FGF12: variants seen among roughly 807,000 people sequenced by gnomAD.
FGF12 encodes fibroblast growth factor 12, also known as fibroblast growth factor 12B.
FGF12 carries 14 observed loss-of-function variants against 23.6 expected under a neutral mutation model. The observed-to-expected ratio is 0.59, with a 90% CI of 0.39 to 0.93. FGF12 has a LOEUF of 0.93. Ranked by LOEUF, FGF12 falls within the 40% of genes least tolerant of loss-of-function variation. The pLI is 0.00. For synonymous variants in FGF12, 62 were observed against 77.3 expected, an observed-to-expected ratio of 0.80 and a Z score of 1.04; for missense variants, 175 against 217.8, an observed-to-expected ratio of 0.80 and a Z score of 1.24.
chr3:192,713,290 C>T (rs565285731), intron 2 of FGF12, among the ~76,000 whole-genome samples: 9 of 151,750 alleles, frequency 5.9e-5, no homozygotes, highest in Non-Finnish European at 1.0e-4. Flanking sequence ...CTTGGTGGGA[C>T]GCTGAGAAAT....
At chr3:192,462,950 C>T (rs1236410442) in intron 2 of FGF12, among the ~76,000 whole-genome samples, 2 of 151,980 alleles carry the variant, frequency 1.3e-5, no homozygotes, top group East Asian at 1.9e-4. Flanking sequence ...ATATGATGTA[C>T]GAAGAGTTTG....
intron 4 of FGF12, among the ~76,000 whole-genome samples, chr3:192,256,186 C>T (rs78597546): frequency 0.014 from 2,078 of 152,076 alleles, 49 homozygotes; most frequent in African/African-American, 0.048. Context: ...GCAAATTAGT[C>T]ATTTACTTTG....
At chr3:192,554,011 GAA>G (rs1443724987) in intron 2 of FGF12, among the ~76,000 whole-genome samples, 4 of 152,238 alleles carry the variant, frequency 2.6e-5, no homozygotes, top group African/African-American at 9.6e-5. Flanking sequence ...CCTGTGGAGG[GAA>G]AGAGTTAAAG....
chr3:192,351,068 T>C (rs764454949), intron 3 of FGF12, among the ~76,000 whole-genome samples: 1 of 152,236 alleles, frequency 6.6e-6, no homozygotes, highest in Non-Finnish European at 1.5e-5. Flanking sequence ...TCCAATTCAA[T>C]GCAAAAGCTA....
chr3:192,213,697 G>A (rs920041823), intron 4 of FGF12, among the ~76,000 whole-genome samples: 6 of 152,210 alleles, frequency 3.9e-5, no homozygotes, highest in African/African-American at 4.8e-5. Context: ...ATCCTCCAGA[G>A]AGTTGAAGAA....
In FGF12 at chr3:192,364,761, C is replaced by T. The variant is rs559125894; in HGVS notation, c.14-4223G>A. Reference sequence around the variant, plus strand: ...TGCCATTGAAATACCTACCTTGGACCGTGAACTGAATAAGAAATAAACTTC... The same window carrying T: ...TGCCATTGAAATACCTACCTTGGACTGTGAACTGAATAAGAAATAAACTTC... On this transcript the variant is annotated intron_variant, in intron 2 of 5. Coordinates refer to ENST00000445105, the MANE Select transcript of FGF12 (RefSeq NM_004113.6). 2.0e-5 allele frequency among the ~76,000 whole-genome samples: 3 copies of T among 152,192 alleles called. 1 individual carries two copies. The highest frequency in any genetic ancestry group is 7.2e-5 in the African/African-American group (3 of 41,532).
chr3:192,263,447 T>C (rs1343777730), intron 4 of FGF12, among the ~76,000 whole-genome samples: 3 of 151,732 alleles, frequency 2.0e-5, no homozygotes, highest in Non-Finnish European at 2.9e-5. Context: ...GGTTTATACA[T>C]GCATTACAAT....
intron 2 of FGF12, among the ~76,000 whole-genome samples, chr3:192,605,787 A>G (rs895357034): frequency 6.6e-6 from 1 of 152,224 alleles, no homozygotes; most frequent in African/African-American, 2.4e-5. Context: ...ATCACTAATT[A>G]TCAGAGAAAT....
At chr3:192,477,612 A>G (rs927460700) in intron 2 of FGF12, among the ~76,000 whole-genome samples, 3 of 152,154 alleles carry the variant, frequency 2.0e-5, no homozygotes, top group Non-Finnish European at 4.4e-5. Context: ...TTCTGTAAGT[A>G]TAGCAGCTAT....
At chr3:192,631,239 C>A (rs1715381697) in intron 2 of FGF12, among the ~76,000 whole-genome samples, 1 of 152,126 alleles carries the variant, frequency 6.6e-6, no homozygotes, top group Non-Finnish European at 1.5e-5. Context: ...AGAGAAGAGT[C>A]CTATTCCTAA....
At chr3:192,576,894 A>C (rs1712920142) in intron 2 of FGF12, among the ~76,000 whole-genome samples, 1 of 152,206 alleles carries the variant, frequency 6.6e-6, no homozygotes, top group Non-Finnish European at 1.5e-5. Flanking sequence ...GGACGAGTTC[A>C]TGTTCTTTGC....
chr3:192,426,743 A>G lies in FGF12; in HGVS notation c.14-66205T>C, dbSNP rs370210412. The stretch of plus-strand genomic sequence containing the variant: ...AGCACATTTACTTTTATCCTTAGCT[A>G]TGTTTGAAAGAGAGACACTTACATA... On this transcript the variant is annotated intron_variant, in intron 2 of 5. Transcript: ENST00000445105. Among the ~76,000 whole-genome samples the G allele has an allele frequency of 1.1e-4, 17 of 152,340 alleles. 1 individual carries two copies. The highest frequency in any genetic ancestry group is 7.8e-4 in the Admixed American group (12 of 15,300).
chr3:192,390,562 C>A (rs1162058900), intron 2 of FGF12, among the ~76,000 whole-genome samples: 1 of 152,114 alleles, frequency 6.6e-6, no homozygotes, highest in Non-Finnish European at 1.5e-5. Flanking sequence ...GAACAACAAG[C>A]CCCTTAATTA....
intron 2 of FGF12, among the ~76,000 whole-genome samples, chr3:192,705,992 T>A (rs1413743808): frequency 6.6e-6 from 1 of 152,242 alleles, no homozygotes; most frequent in Non-Finnish European, 1.5e-5. Flanking sequence ...CACAACAGAA[T>A]GTGCTTTAGG....
chr3:192,502,373 G>A (rs1724157267), intron 2 of FGF12, among the ~76,000 whole-genome samples: 1 of 152,250 alleles, frequency 6.6e-6, no homozygotes, highest in Non-Finnish European at 1.5e-5. Context: ...ATTCTTAGAA[G>A]AACGTCTTAT....
At chr3:192,169,724 T>C (rs1715433663) in intron 5 of FGF12, among the ~76,000 whole-genome samples, 1 of 151,686 alleles carries the variant, frequency 6.6e-6, no homozygotes. Context: ...CAGCCTGTAG[T>C]AGAAAGCTTG....
intron 5 of FGF12, among the ~76,000 whole-genome samples, chr3:192,158,314 CTCTTTCTTTCTTTCTTTCTCTTTCTT>C (rs1482641355): frequency 5.0e-5 from 6 of 120,672 alleles, no homozygotes; most frequent in East Asian, 5.3e-4. Flanking sequence ...TTTCCCTTTT[CTCTTTCTTTCTTTCTTTCTCTTTCTT>C]TCTTTCTTTC....
At chr3:192,487,306 G>T (rs764211362) in intron 2 of FGF12, among the ~76,000 whole-genome samples, 1 of 152,014 alleles carries the variant, frequency 6.6e-6, no homozygotes, top group Non-Finnish European at 1.5e-5. Flanking sequence ...TCGAAACCTT[G>T]GTAAAGACTA....
In FGF12 at chr3:192,722,408, T is replaced by C. The variant is rs543228725; in HGVS notation, c.13+4773A>G. ...TTTCCTTTCTCTGCTGCAGAGTAAA[T>C]CATCCTGGCTTCAGAGAAATGACTG... On this transcript the variant is annotated intron_variant, in intron 2 of 5. Coordinates refer to ENST00000445105, the MANE Select transcript of FGF12 (RefSeq NM_004113.6). Among the ~76,000 whole-genome samples the C allele has an allele frequency of 3.9e-5, 6 of 152,338 alleles. No individual in the cohort carries two copies. The East Asian group carries it at 1.2e-3, about 29-fold the overall frequency.
Sources: gnomAD v4.1 joint callset for allele counts (sites outside exome capture counted in the v4.1 genomes callset) on GRCh38, gnomAD v4.1.1 for gene constraint, MANE v1.5 for transcripts, NCBI Gene and HGNC (gene_info 2026-07-23, HGNC 2026-07-21) for gene names.